Variants in DST observed in about 807,000 individuals in gnomAD.
DST encodes the protein bullous pemphigoid antigen.
A neutral mutation model predicts 875.2 loss-of-function variants in DST; 253 were observed. The observed-to-expected ratio is 0.29, with a 90% CI of 0.26 to 0.32. DST has a LOEUF of 0.32. Ranked by LOEUF, DST falls within the 10% of genes least tolerant of loss-of-function variation. DST has a pLI of 1.00. For synonymous variants in DST, 3,124 were observed against 3,197.1 expected (o/e 0.98, Z 0.77); for missense variants, 8,287 against 9,111.6 (o/e 0.91, Z 3.68).
In DST at chr6:56,605,377, C is replaced by T. The variant is rs762191766; in HGVS notation, c.9251G>A (p.Ser3084Asn). The T allele has an allele frequency of 6.2e-7, 1 of 1,612,522 alleles. No individual in the cohort carries two copies. The highest frequency in any genetic ancestry group is 8.5e-7 in the Non-Finnish European group (1 of 1,179,180). The change falls in exon 40 of 104, where the codon AGT (serine) becomes AAT (asparagine). Residue 3084 changes from serine to asparagine, a missense_variant. Transcript: ENST00000680361. ...KLLPGKNTRD[S>N]FKLINSQFPF... Reference sequence around the variant, plus strand: ...AAACTGACTATTAATTAACTTGAAACTATCCCTTGTATTTTTACCAGGCAA... The same window carrying T: ...AAACTGACTATTAATTAACTTGAAATTATCCCTTGTATTTTTACCAGGCAA...
At chr6:56,865,927 T>C (rs1042553287) in intron 3 of DST, among the ~76,000 whole-genome samples, 3 of 152,290 alleles carry the variant, frequency 2.0e-5, no homozygotes, top group African/African-American at 7.2e-5. Context: ...TAAAATGATA[T>C]ACATAAAGTA....
At position 56,478,317 on chromosome 6, in the gene DST, G is replaced by C. The variant is rs544803359; in HGVS notation, c.21532-829C>G. 2.0e-5 allele frequency among the ~76,000 whole-genome samples: 3 copies of C among 152,104 alleles called. No individual in the cohort carries two copies. The South Asian group carries it at 6.2e-4, about 32-fold the overall frequency. On this transcript the variant is annotated intron_variant, in intron 90 of 103. Transcript: ENST00000680361. ...GGGTATGGGAGAGAGGGCCCAAAGT[G>C]TCTATGCAGTAAAAAGTGAAGGGGA...
At chr6:56,471,997 CA>C in intron 94 of DST, 61 bp downstream of exon 94, 1 of 1,539,694 alleles carries the variant, frequency 6.5e-7, no homozygotes, top group Non-Finnish European at 9.0e-7. Context: ...TTGGCAATGG[CA>C]ATGTGTTATG....
At chr6:56,650,209 T>C (rs2098966903) in intron 12 of DST, among the ~76,000 whole-genome samples, 1 of 151,102 alleles carries the variant, frequency 6.6e-6, no homozygotes, top group Admixed American at 6.6e-5. Context: ...GGAAAAAAGG[T>C]GTCTGCAAAG....
intron 4 of DST, among the ~76,000 whole-genome samples, chr6:56,766,025 G>C (rs1450269680): frequency 6.6e-6 from 1 of 152,178 alleles, no homozygotes; most frequent in Non-Finnish European, 1.5e-5. Context: ...ACACGCACAA[G>C]TTAGTATTCT....
chr6:56,516,477 T>C (rs924027673), intron 71 of DST, among the ~76,000 whole-genome samples: 1 of 152,136 alleles, frequency 6.6e-6, no homozygotes, highest in Non-Finnish European at 1.5e-5. Context: ...AGAGTGCATA[T>C]CATTACATTG....
chr6:56,659,159 C>A (rs1044980478), intron 10 of DST, among the ~76,000 whole-genome samples: 5 of 152,130 alleles, frequency 3.3e-5, no homozygotes, highest in African/African-American at 1.2e-4. Context: ...AGTTAAGTGG[C>A]TATGGTGGCT....
intron 10 of DST, among the ~76,000 whole-genome samples, chr6:56,665,656 A>G (rs1280993036): frequency 6.6e-6 from 1 of 152,176 alleles, no homozygotes; most frequent in Non-Finnish European, 1.5e-5. Flanking sequence ...AAATGAAGTC[A>G]TGCCATAAAG....
chr6:56,670,262 C>G (rs2099094783), intron 10 of DST, among the ~76,000 whole-genome samples: 1 of 151,444 alleles, frequency 6.6e-6, no homozygotes, highest in Non-Finnish European at 1.5e-5. Flanking sequence ...AGAGTCTCAC[C>G]CTGTGACTCA....
intron 59 of DST, 65 bp from the exon 60 acceptor site, chr6:56,555,905 G>T: frequency 7.3e-7 from 1 of 1,371,850 alleles, no homozygotes; most frequent in Middle Eastern, 1.9e-4. Flanking sequence ...CACAGATTTG[G>T]TGTCCAAACA....
intron 92 of DST, 123 bp from the exon 93 acceptor site, chr6:56,474,125 T>C (rs2095047083): frequency 1.2e-6 from 1 of 824,682 alleles, no homozygotes; most frequent in African/African-American, 1.7e-5. Context: ...ATAAATCATA[T>C]GCTTTATCTT....
intron 4 of DST, among the ~76,000 whole-genome samples, chr6:56,747,889 G>A (rs1475747578): frequency 6.6e-6 from 1 of 151,762 alleles, no homozygotes; most frequent in Non-Finnish European, 1.5e-5. Flanking sequence ...TATATGTAAG[G>A]ACATAAACAG....
intron 4 of DST, among the ~76,000 whole-genome samples, chr6:56,813,471 CTA>C (rs1404142631): frequency 1.3e-5 from 2 of 151,980 alleles, no homozygotes; most frequent in African/African-American, 4.8e-5. Context: ...AATTCTTATG[CTA>C]TTTCTTAAGA....
intron 4 of DST, among the ~76,000 whole-genome samples, chr6:56,779,290 T>C (rs944646980): frequency 1.3e-5 from 2 of 152,118 alleles, no homozygotes; most frequent in Non-Finnish European, 2.9e-5. Context: ...ATTAGCCCTT[T>C]GTCAGATGAG....
At position 56,470,121 on chromosome 6, in the gene DST, T is replaced by C. The variant is rs2094811151; in HGVS notation, c.22476+7A>G. 3 of 1,611,866 alleles carry C rather than the reference T, an allele frequency of 1.9e-6. No individual in the cohort carries two copies. Among genetic ancestry groups the C allele is most frequent in the Non-Finnish European group, 2.5e-6 (3 of 1,178,472 alleles). On this transcript the variant is annotated splice_region_variant and intron_variant, in intron 96 of 103. Coordinates refer to ENST00000680361, the MANE Select transcript of DST (RefSeq NM_001374736.1). ...AGTGTTGTACGCAATGGGAAGATAATGAGTACCTCATCTTCGATTTTGTCG... is the reference window on the plus strand; with the variant it reads ...AGTGTTGTACGCAATGGGAAGATAACGAGTACCTCATCTTCGATTTTGTCG...
At chr6:56,663,379 T>C (rs1012663304) in intron 10 of DST, among the ~76,000 whole-genome samples, 1 of 152,262 alleles carries the variant, frequency 6.6e-6, no homozygotes, top group African/African-American at 2.4e-5. Context: ...TTAACTACTT[T>C]TTAATTGATA....
In DST at chr6:56,489,168, C is replaced by T. The variant is rs555829005; in HGVS notation, c.20877+322G>A. Among the ~76,000 whole-genome samples, 29 of 152,282 alleles carry T rather than the reference C, an allele frequency of 1.9e-4. No individual in the cohort carries two copies. The South Asian group carries it at 5.4e-3, about 28-fold the overall frequency. ...TCAAAGAAAGTACAGGAAAAGACAG[C>T]TATCATGAAAAACTGAAATGCCAAT... On this transcript the variant is annotated intron_variant, in intron 86 of 103. Transcript: ENST00000680361.
rs779974825 is a variant in DST, at chr6:56,640,563, T to A, written c.2070A>T (p.Glu690Asp). 8.1e-6 allele frequency: 13 copies of A among 1,614,208 alleles called. No homozygotes were observed. The highest frequency in any genetic ancestry group is 1.1e-5 in the Non-Finnish European group (13 of 1,180,022). ...GTCCTTTGCTGTACACAGAAGAACA[T>A]TCGTTCCTTAAGGCCATAATTTCGT... Reference protein sequence around the residue: ...LRDEIMALRNECSSVYSKGRI... With the variant: ...LRDEIMALRNDCSSVYSKGRI... Residue 690 changes from glutamate to aspartate, a missense_variant, in exon 18 of 104, where the codon GAA (glutamate) becomes GAT (aspartate). Physicochemically the swap from Glu to Asp is conservative, Grantham distance 45. This residue lies in a region of DST where 1,160 missense variants were observed against 1,424.3 expected (regional missense o/e 0.81). Transcript: ENST00000680361.
chr6:56,794,626 G>A (rs549529435), intron 4 of DST, among the ~76,000 whole-genome samples: 9 of 152,260 alleles, frequency 5.9e-5, no homozygotes, highest in African/African-American at 2.2e-4. Flanking sequence ...CCTTGACACA[G>A]AAAGGACAAG....
Sources: allele counts gnomAD v4.1 joint callset (sites outside exome capture counted in the v4.1 genomes callset), GRCh38; gene constraint gnomAD v4.1.1; regional missense constraint gnomAD v4.1.1; transcripts MANE v1.5; gene names NCBI Gene and HGNC (gene_info 2026-07-23, HGNC 2026-07-21).